TPCN1: variants seen among roughly 807,000 people sequenced by gnomAD.
TPCN1 encodes the protein two pore segment channel 1.
A neutral mutation model predicts 108.8 loss-of-function variants in TPCN1; 52 were observed. The observed-to-expected ratio is 0.48, with a 90% CI of 0.38 to 0.60. The LOEUF (loss-of-function observed/expected upper bound fraction) is 0.60. Ranked by LOEUF, TPCN1 falls within the 20% of genes least tolerant of loss-of-function variation. The pLI is 0.00. For missense variants in TPCN1, 806 were observed against 1,072.8 expected (o/e 0.75, Z 3.47); for synonymous variants, 446 against 433.7 (o/e 1.03, Z -0.35).
In TPCN1 at chr12:113,268,781, G is replaced by T. The variant is rs1466337015; in HGVS notation, c.568G>T (p.Val190Leu). ...LVVQFVEAIV[V>L]LVRQMSHVRV... ...GGTGCAGTTTGTCGAGGCCATCGTG[G>T]TGTTGGTACGGCAGATGTCCCATGT... Residue 190 changes from valine to leucine, a missense_variant, in exon 6 of 28, where the codon GTG (valine) becomes TTG (leucine). Coordinates refer to ENST00000335509, the MANE Select transcript of TPCN1 (RefSeq NM_017901.6). The surrounding 1 kb of genome is among the most constrained non-coding windows in gnomAD (Gnocchi z 7.3). 1 of 1,614,120 alleles carries T rather than the reference G, an allele frequency of 6.2e-7. No individual in the cohort carries two copies.
chr12:113,225,474 A>G, intron 1 of TPCN1: 1 of 259,790 alleles, frequency 3.8e-6, no homozygotes, highest in Non-Finnish European at 7.8e-6. Flanking sequence ...ACTTTTCAGT[A>G]TTTGTTCTTG....
chr12:113,229,098 A>C (rs1482049607), intron 2 of TPCN1, among the ~76,000 whole-genome samples: 1 of 152,250 alleles, frequency 6.6e-6, no homozygotes, highest in Non-Finnish European at 1.5e-5. Context: ...GAAATAGGCC[A>C]GAGACACAAT....
In TPCN1 at chr12:113,278,841, T is replaced by G; in HGVS notation, c.1297+6T>G. The stretch of plus-strand genomic sequence containing the variant: ...GGCGCTCCTCATCTTCAAAGGTAAG[T>G]GGGCTTGAGTATGGCAGGTGTTGGC... On this transcript the variant is annotated splice_donor_region_variant and intron_variant, in intron 14 of 27. Coordinates refer to ENST00000335509, the MANE Select transcript of TPCN1 (RefSeq NM_017901.6). 6.2e-7 allele frequency: 1 copy of G among 1,613,664 alleles called. No homozygotes were observed. The highest frequency in any genetic ancestry group is 8.5e-7 in the Non-Finnish European group (1 of 1,179,736).
intron 7 of TPCN1, among the ~76,000 whole-genome samples, chr12:113,270,684 T>C (rs1162179425): frequency 6.6e-6 from 1 of 152,134 alleles, no homozygotes; most frequent in Non-Finnish European, 1.5e-5. Flanking sequence ...TTTCACCATA[T>C]TGGCCAGGCT....
At chr12:113,280,297 A>G in intron 15 of TPCN1, 102 bp downstream of exon 15, 1 of 924,942 alleles carries the variant, frequency 1.1e-6, no homozygotes, top group Non-Finnish European at 1.7e-6. Context: ...CCTGTGTTTG[A>G]CTTTTTATTG....
chr12:113,276,690 T>G (rs1281361977), intron 10 of TPCN1, among the ~76,000 whole-genome samples: 1 of 152,140 alleles, frequency 6.6e-6, no homozygotes, highest in Non-Finnish European at 1.5e-5. Context: ...TAACAATGCC[T>G]TCATGTATCT....
chr12:113,263,800 G>A (rs1232659970), intron 3 of TPCN1, among the ~76,000 whole-genome samples: 1 of 152,226 alleles, frequency 6.6e-6, no homozygotes, highest in Admixed American at 6.5e-5. Flanking sequence ...GGAGCGGAGA[G>A]CAAAGGCCTA....
chr12:113,277,176 G>A, intron 11 of TPCN1, 64 bp from the exon 12 acceptor site: 2 of 1,609,646 alleles, frequency 1.2e-6, no homozygotes, highest in Non-Finnish European at 1.7e-6. Flanking sequence ...GAGTGGATCT[G>A]GAGTGGGTGC....
intron 2 of TPCN1, among the ~76,000 whole-genome samples, chr12:113,247,793 A>G (rs989699218): frequency 1.2e-4 from 18 of 152,300 alleles, no homozygotes; most frequent in African/African-American, 4.1e-4. Flanking sequence ...GCTTTCTTGA[A>G]AAGTCCCTGA....
chr12:113,286,041 C>T (rs956089402), intron 18 of TPCN1, 80 bp downstream of exon 18: 32 of 1,289,248 alleles, frequency 2.5e-5, no homozygotes, highest in South Asian at 1.8e-4. Context: ...ACCCTGATCC[C>T]GGGCCATTTC....
intron 10 of TPCN1, 115 bp from the exon 11 acceptor site, chr12:113,276,804 C>T: frequency 1.4e-6 from 1 of 734,484 alleles, no homozygotes. Context: ...TCCCCAGGGC[C>T]TCTCTGGGGT....
Position 113,284,461 on chromosome 12 carries a change from C to A in TPCN1, c.1343-120C>A. 9.2e-7 allele frequency: 1 copy of A among 1,082,856 alleles called. No homozygotes were observed. Among genetic ancestry groups the A allele is most frequent in the Non-Finnish European group, 1.4e-6 (1 of 712,890 alleles). 67.1% of individuals were successfully genotyped at this position (1,082,856 alleles called of 1,614,324 possible). On this transcript the variant is annotated intron_variant, in intron 15 of 27. Transcript: ENST00000335509. The surrounding 1 kb of genome is among the most constrained non-coding windows in gnomAD (Gnocchi z 4.1). ...TTCCCTATCAAATGGGTGTGTGGAG[C>A]AGCCCTGTTCTCCCCATCCCGTAGA... is the stretch of plus-strand genomic sequence containing the variant.
At chr12:113,252,742 A>G (rs1954693359) in intron 2 of TPCN1, among the ~76,000 whole-genome samples, 1 of 152,228 alleles carries the variant, frequency 6.6e-6, no homozygotes. Context: ...TTTTCTGCTC[A>G]GGAGTCACGT....
intron 2 of TPCN1, among the ~76,000 whole-genome samples, chr12:113,230,959 C>G (rs1392657226): frequency 3.3e-5 from 5 of 152,240 alleles, no homozygotes; most frequent in Non-Finnish European, 7.3e-5. Context: ...CTCAGCACAG[C>G]TGAGTGTCCT....
rs990106174 is a variant in TPCN1 at position 113,269,274 on chromosome 12, A to G, written c.659+402A>G. 2.0e-5 allele frequency among the ~76,000 whole-genome samples: 3 copies of G among 152,206 alleles called. No individual in the cohort carries two copies. Among genetic ancestry groups the G allele is most frequent in the African/African-American group, 7.2e-5 (3 of 41,456 alleles). On this transcript the variant is annotated intron_variant, in intron 6 of 27. Coordinates refer to ENST00000335509, the MANE Select transcript of TPCN1 (RefSeq NM_017901.6). This position sits in a 1 kb window ranked among gnomAD's most constrained non-coding sequence, Gnocchi z 5.0. ...ACTGAGATTTATTTTGGGAGACTCA[A>G]TCTGGAAAATTCCTTGGCTGGGCTA...
chr12:113,221,472 G>C lies in TPCN1; in HGVS notation c.-280G>C. ...GTAGGCGGTGGATAGGAGAGCTGGC[G>C]CAGCTGCCCTGGTGGCAGTGGCTGA... On this transcript the variant is annotated 5_prime_UTR_variant, in exon 1 of 28. Transcript: ENST00000335509. 3.0e-6 allele frequency: 1 copy of C among 330,740 alleles called. No homozygotes were observed. The highest frequency in any genetic ancestry group is 6.2e-6 in the Non-Finnish European group (1 of 162,086). The allele number at this position is 330,740 out of a possible 1,614,324, so 20.5% of individuals were successfully genotyped here.
chr12:113,227,180 C>G (rs1367558745), intron 2 of TPCN1, among the ~76,000 whole-genome samples: 1 of 152,208 alleles, frequency 6.6e-6, no homozygotes, highest in African/African-American at 2.4e-5. Flanking sequence ...CTAGCTGCCC[C>G]TCTTGGTGCC....
chr12:113,247,906 T>C (rs1440057384), intron 2 of TPCN1, among the ~76,000 whole-genome samples: 3 of 152,192 alleles, frequency 2.0e-5, no homozygotes, highest in African/African-American at 7.2e-5. Flanking sequence ...AGTCCTGTTT[T>C]CTGAGGTTGA....
intron 14 of TPCN1, 113 bp from the exon 15 acceptor site, chr12:113,280,038 G>A (rs954931887): frequency 2.6e-6 from 2 of 768,930 alleles, no homozygotes; most frequent in Non-Finnish European, 4.6e-6. Context: ...CTGCATGCAC[G>A]AAGAGTGTGG....
Sources: gnomAD v4.1 joint callset for allele counts (sites outside exome capture counted in the v4.1 genomes callset) on GRCh38, gnomAD v4.1.1 for gene constraint, Gnocchi (gnomAD v3.1) non-coding constraint, MANE v1.5 for transcripts, NCBI Gene and HGNC (gene_info 2026-07-23, HGNC 2026-07-21) for gene names.